The following C11orf16 variants were observed in gnomAD, a reference collection of about 807,000 sequenced individuals.
The protein encoded by C11orf16 is chromosome 11 open reading frame 16, also known as uncharacterized protein C11orf16.
C11orf16 carries 38 observed loss-of-function variants against 45.1 expected under a neutral mutation model. That is an observed-to-expected ratio of 0.84 (90% CI 0.65 to 1.10). The LOEUF is 1.10. Ranked by LOEUF, C11orf16 falls within the 50% of genes least tolerant of loss-of-function variation. The probability of loss-of-function intolerance (pLI) is 0.00; values close to 1 mark genes in which losing one functional copy is unlikely to be tolerated. For missense variants in C11orf16, 583 were observed against 569.5 expected, an observed-to-expected ratio of 1.02 and a Z score of -0.24; for synonymous variants, 221 against 222.0, an observed-to-expected ratio of 1.00 and a Z score of 0.04.
chr11:8,920,908 G>A (rs1230071050), intron 6 of C11orf16, among the ~76,000 whole-genome samples: 1 of 152,150 alleles, frequency 6.6e-6, no homozygotes, highest in African/African-American at 2.4e-5. Flanking sequence ...TTCGTTGCCT[G>A]GTGATTCTCT....
At chr11:8,927,498 G>A (rs1248837494) in intron 3 of C11orf16, 1 of 429,238 alleles carries the variant, frequency 2.3e-6, no homozygotes, top group African/African-American at 2.0e-5. Flanking sequence ...ATTGCCAGGA[G>A]TTACCTGGGT....
intron 4 of C11orf16, among the ~76,000 whole-genome samples, 181 bp downstream of exon 4, chr11:8,926,759 C>T (rs1310398185): frequency 6.6e-6 from 1 of 152,018 alleles, no homozygotes; most frequent in Non-Finnish European, 1.5e-5. Flanking sequence ...CTGAAAGATA[C>T]ACTGTGCATC....
chr11:8,929,345 A>T, intron 3 of C11orf16, 32 bp downstream of exon 3: 1 of 1,601,994 alleles, frequency 6.2e-7, no homozygotes, highest in Non-Finnish European at 8.5e-7. Context: ...CCAGAGGAGC[A>T]CGCCAGGGAG....
intron 4 of C11orf16, among the ~76,000 whole-genome samples, chr11:8,926,551 T>G (rs933696637): frequency 4.6e-5 from 7 of 152,090 alleles, no homozygotes; most frequent in African/African-American, 1.7e-4. Context: ...AAAACCAAAA[T>G]GCATTCTCAG....
chr11:8,921,478 A>T lies in C11orf16; in HGVS notation c.1242T>A (p.Asp414Glu), dbSNP rs757085429. Residue 414 changes from aspartate (D) to glutamate (E), a missense_variant, in exon 6 of 7, where the codon GAT (aspartate) becomes GAA (glutamate). Coordinates refer to ENST00000326053, the MANE Select transcript of C11orf16 (RefSeq NM_020643.3). ...CAGTTTGTGCTCTCTGCTGTTTGTGATCCTTTTCTTCTTTGCAGATGTTGG... is the reference window on the plus strand; with the variant it reads ...CAGTTTGTGCTCTCTGCTGTTTGTGTTCCTTTTCTTCTTTGCAGATGTTGG... The part of the protein sequence containing the change: ...RYSNICKEEK[D>E]HKQQRAQTAV... The T allele has an allele frequency of 5.9e-5, 95 of 1,613,994 alleles. No homozygotes were observed. Among genetic ancestry groups the T allele is most frequent in the Non-Finnish European group, 7.9e-5 (93 of 1,180,028 alleles).
At chr11:8,929,640 T>A (rs960682039) in intron 2 of C11orf16, 107 bp from the exon 3 acceptor site, 1 of 1,071,594 alleles carries the variant, frequency 9.3e-7, no homozygotes, top group African/African-American at 1.6e-5. Context: ...ACATGAGGCA[T>A]GCGGAACAGA....
chr11:8,920,453 A>G lies in C11orf16; in HGVS notation c.*23-3T>C, dbSNP rs2134827857. 1.5e-6 allele frequency: 1 copy of G among 672,144 alleles called. No individual in the cohort carries two copies. The highest frequency in any genetic ancestry group is 2.7e-6 in the Non-Finnish European group (1 of 371,758). The allele number at this position is 672,144 out of a possible 1,614,324, so 41.6% of individuals were successfully genotyped here. On this transcript the variant is annotated splice_polypyrimidine_tract_variant and splice_region_variant and intron_variant, in intron 6 of 6. Transcript: ENST00000326053. ...TATTTACCATGTTTATTCTTTACCTATAAAAGGGGGAAAAATTCCATACAT... is the reference window on the plus strand; with the variant it reads ...TATTTACCATGTTTATTCTTTACCTGTAAAAGGGGGAAAAATTCCATACAT...
chr11:8,924,970 C>A (rs866685839), intron 5 of C11orf16, among the ~76,000 whole-genome samples: 5 of 152,222 alleles, frequency 3.3e-5, no homozygotes, highest in African/African-American at 1.2e-4. Context: ...ATAAGAAGCA[C>A]ATCGCAGTGC....
chr11:8,930,213 G>A (rs1448881152), intron 2 of C11orf16, among the ~76,000 whole-genome samples: 1 of 151,970 alleles, frequency 6.6e-6, no homozygotes, highest in African/African-American at 2.4e-5. Flanking sequence ...CGGATCACGA[G>A]GTCAAGAGAT....
rs746701831 is a variant in C11orf16 at position 8,932,135 on chromosome 11, C to G, written c.167+7G>C. On this transcript the variant is annotated splice_region_variant and intron_variant, in intron 2 of 6. Transcript: ENST00000326053. ...TCCACTTCCCCCAGAGGGGCAGAGA[C>G]AGGTACCTTGCAAGGGGCTTGTGCC... 1 of 1,571,690 alleles carries G rather than the reference C, an allele frequency of 6.4e-7. No individual in the cohort carries two copies. The highest frequency in any genetic ancestry group is 1.2e-5 in the South Asian group (1 of 85,350).
At chr11:8,930,289 G>T (rs2064641521) in intron 2 of C11orf16, among the ~76,000 whole-genome samples, 1 of 151,926 alleles carries the variant, frequency 6.6e-6, no homozygotes, top group African/African-American at 2.4e-5. Context: ...AGGTGGGCGT[G>T]GTGGTGGGTG....
rs1263209882 is a variant in C11orf16, at chr11:8,925,448, A to G, written c.1204+15T>C. 2 of 1,603,208 alleles carry G rather than the reference A, an allele frequency of 1.2e-6. No homozygotes were observed. The highest frequency in any genetic ancestry group is 2.7e-5 in the African/African-American group (2 of 74,472). On this transcript the variant is annotated intron_variant, in intron 5 of 6. Transcript: ENST00000326053. ...AGCCCCTGCCTTAGAAAGCAAGCCC[A>G]CTCCCCTGGTATACCTGGCTTCCCA...
Position 8,921,446 on chromosome 11 carries a change from A to T in C11orf16, c.1274T>A (p.Val425Glu), listed in dbSNP as rs1284580079. ...CGAGACCAGCTCCTTGGTAGTCCCC[A>T]CTACTGCAGTTTGTGCTCTCTGCTG... is the stretch of plus-strand genomic sequence containing the variant. ...HKQQRAQTAV[V>E]GTTKELVSKA... The change falls in exon 6 of 7, where the codon GTG (valine) becomes GAG (glutamate). Residue 425 changes from valine to glutamate, a missense_variant. By Grantham distance (121) the Val-to-Glu change is moderately radical. Coordinates refer to ENST00000326053, the MANE Select transcript of C11orf16 (RefSeq NM_020643.3). 2 of 1,614,164 alleles carry T rather than the reference A, an allele frequency of 1.2e-6. No individual in the cohort carries two copies. Among genetic ancestry groups the T allele is most frequent in the Admixed American group, 3.3e-5 (2 of 60,008 alleles).
At chr11:8,930,479 G>A (rs1228831524) in intron 2 of C11orf16, among the ~76,000 whole-genome samples, 4 of 151,536 alleles carry the variant, frequency 2.6e-5, no homozygotes, top group Non-Finnish European at 2.9e-5. Flanking sequence ...CTAAGGCGGC[G>A]TGTGGGATTC....
chr11:8,929,346 C>T (rs376075427), intron 3 of C11orf16, 31 bp downstream of exon 3: 139 of 1,604,542 alleles, frequency 8.7e-5, no homozygotes, highest in Non-Finnish European at 9.4e-5. Flanking sequence ...CAGAGGAGCA[C>T]GCCAGGGAGA....
intron 2 of C11orf16, among the ~76,000 whole-genome samples, chr11:8,930,937 G>A (rs969234743): frequency 6.6e-6 from 1 of 152,088 alleles, no homozygotes; most frequent in Non-Finnish European, 1.5e-5. Flanking sequence ...GGTGGATCAC[G>A]AAAGGGAGCC....
chr11:8,932,067 G>A (rs2064652973), intron 2 of C11orf16, 75 bp downstream of exon 2: 2 of 1,419,308 alleles, frequency 1.4e-6, no homozygotes, highest in Non-Finnish European at 1.9e-6. Flanking sequence ...GTCCACCAAG[G>A]TCTACCACCA....
chr11:8,929,303 C>T (rs2064634932), intron 3 of C11orf16, 74 bp downstream of exon 3: 1 of 1,492,806 alleles, frequency 6.7e-7, no homozygotes, highest in South Asian at 1.3e-5. Flanking sequence ...TAGATGTACA[C>T]AGCTAAGGCA....
chr11:8,921,573 A>G, intron 5 of C11orf16, 58 bp from the exon 6 acceptor site: 1 of 1,450,836 alleles, frequency 6.9e-7, no homozygotes, highest in Non-Finnish European at 9.7e-7. Context: ...TGGCATAAGT[A>G]GAACTAAAAC....
Sources: allele counts gnomAD v4.1 joint callset (sites outside exome capture counted in the v4.1 genomes callset), GRCh38; gene constraint gnomAD v4.1.1; transcripts MANE v1.5; gene names NCBI Gene and HGNC (gene_info 2026-07-23, HGNC 2026-07-21).